FLI1: variants seen among roughly 807,000 people sequenced by gnomAD.
The protein encoded by FLI1 is Fli-1 proto-oncogene, ETS transcription factor, also known as Friend leukemia integration 1 transcription factor.
A neutral mutation model predicts 53.1 loss-of-function variants in FLI1; 13 were observed. The observed-to-expected ratio is 0.24, with a 90% confidence interval of 0.16 to 0.39. The LOEUF is 0.39. Among genes scored for constraint, FLI1 ranks in the 10% least tolerant of loss-of-function variants. FLI1 has a pLI of 1.00. For missense variants in FLI1, 424 were observed against 600.5 expected, an observed-to-expected ratio of 0.71 and a Z score of 3.07; for synonymous variants, 244 against 236.7, an observed-to-expected ratio of 1.03 and a Z score of -0.28.
intron 1 of FLI1, among the ~76,000 whole-genome samples, chr11:128,714,057 G>A (rs1222142319): frequency 1.3e-5 from 2 of 152,108 alleles, no homozygotes; most frequent in African/African-American, 4.8e-5. Context: ...AGTGCATAGA[G>A]TACATATCTA....
At chr11:128,767,330 C>T (rs970577522) in intron 2 of FLI1, among the ~76,000 whole-genome samples, 6 of 152,202 alleles carry the variant, frequency 3.9e-5, no homozygotes, top group African/African-American at 1.4e-4. Flanking sequence ...AGTTCCTGGA[C>T]TCCATTCCTT....
rs74876538 is a variant in FLI1 at position 128,719,487 on chromosome 11, T to C, written c.18+25211T>C. ...CTCTGATAGATGTGACATTGTGAAG[T>C]TGCTGAAATCCACCTAATTAGCTGT... is the stretch of plus-strand genomic sequence containing the variant. On this transcript the variant is annotated intron_variant, in intron 1 of 8. Coordinates refer to ENST00000527786, the MANE Select transcript of FLI1 (RefSeq NM_002017.5). 6.6e-3 allele frequency among the ~76,000 whole-genome samples: 1,006 copies of C among 152,032 alleles called. 9 individuals are homozygous for C. Among genetic ancestry groups the C allele is most frequent in the African/African-American group, 0.023 (939 of 41,468 alleles).
rs1159067517 is a variant in FLI1, at chr11:128,810,423, T to C, written c.830-36T>C. ...GGGTTCTGCCTTCTCTGGGCTGAGG[T>C]GTTCTGTTCTCTCCCGTTTGCCTCA... On this transcript the variant is annotated intron_variant, in intron 8 of 8. Coordinates refer to ENST00000527786, the MANE Select transcript of FLI1 (RefSeq NM_002017.5). This position sits in a 1 kb window ranked among gnomAD's most constrained non-coding sequence, Gnocchi z 6.6. The C allele has an allele frequency of 1.9e-6, 3 of 1,552,842 alleles. No homozygotes were observed. The highest frequency in any genetic ancestry group is 1.7e-4 in the Middle Eastern group (1 of 5,942).
chr11:128,787,943 A>G (rs1027809174), intron 5 of FLI1, among the ~76,000 whole-genome samples: 2 of 151,148 alleles, frequency 1.3e-5, no homozygotes, highest in African/African-American at 4.9e-5. Flanking sequence ...AGTAGCTGGG[A>G]CTACAGGTGC....
At chr11:128,809,025 T>C in intron 7 of FLI1, 132 bp from the exon 8 acceptor site, 2 of 635,386 alleles carry the variant, frequency 3.1e-6, no homozygotes, top group Non-Finnish European at 5.4e-6. Flanking sequence ...ATAAAAGCAG[T>C]AAAGTTTTCT....
rs117173691 is a variant in FLI1, at chr11:128,743,501, A to G, written c.19-14614A>G. 1.3e-3 allele frequency among the ~76,000 whole-genome samples: 195 copies of G among 152,254 alleles called. 1 individual carries two copies. In the East Asian group the frequency reaches 0.026, roughly 20 times the overall value. On this transcript the variant is annotated intron_variant, in intron 1 of 8. Transcript: ENST00000527786. ...ACTGAACGGGACAAAGGAGCTCAGA[A>G]ATTTTTGAGGCGGTTTGGGACATCT...
At chr11:128,763,544 G>C (rs1355334272) in intron 2 of FLI1, among the ~76,000 whole-genome samples, 1 of 152,224 alleles carries the variant, frequency 6.6e-6, no homozygotes, top group Non-Finnish European at 1.5e-5. Flanking sequence ...CTGGTATTCA[G>C]GACCAGAGTT....
At chr11:128,764,728 C>T (rs772184518) in intron 2 of FLI1, 219 of 1,568,668 alleles carry the variant, frequency 1.4e-4, no homozygotes, top group Non-Finnish European at 1.8e-4. Context: ...GCCGTGGAGC[C>T]CCATGGCCGC....
intron 1 of FLI1, among the ~76,000 whole-genome samples, chr11:128,724,969 A>C (rs1242959379): frequency 6.6e-6 from 1 of 152,172 alleles, no homozygotes; most frequent in Non-Finnish European, 1.5e-5. Context: ...CATAAAAGCC[A>C]CCCAGAATGG....
chr11:128,771,082 A>G (rs1941536151), intron 3 of FLI1, among the ~76,000 whole-genome samples: 1 of 152,258 alleles, frequency 6.6e-6, no homozygotes, highest in Non-Finnish European at 1.5e-5. Flanking sequence ...GGCTTTGGGC[A>G]AAGGACTTAA....
chr11:128,755,663 G>C (rs1940829527), intron 1 of FLI1, among the ~76,000 whole-genome samples: 1 of 152,220 alleles, frequency 6.6e-6, no homozygotes, highest in African/African-American at 2.4e-5. Flanking sequence ...AGAAACAAAT[G>C]GTTCTGACAA....
At chr11:128,746,357 G>A (rs1239756108) in intron 1 of FLI1, among the ~76,000 whole-genome samples, 2 of 151,568 alleles carry the variant, frequency 1.3e-5, no homozygotes, top group Non-Finnish European at 2.9e-5. Context: ...ACAACCAAGG[G>A]CACATGCCAT....
intron 5 of FLI1, among the ~76,000 whole-genome samples, chr11:128,797,574 T>C (rs181281612): frequency 2.1e-3 from 319 of 152,356 alleles, no homozygotes; most frequent in African/African-American, 7.4e-3. Context: ...CCTTCTAATA[T>C]ACAATGTAAT....
Position 128,810,413 on chromosome 11 carries a change from T to C in FLI1, c.830-46T>C, listed in dbSNP as rs769617246. 44 of 1,529,304 alleles carry C rather than the reference T, an allele frequency of 2.9e-5. No individual in the cohort carries two copies. The highest frequency in any genetic ancestry group is 2.6e-5 in the Non-Finnish European group (30 of 1,140,458). The allele number at this position is 1,529,304 out of a possible 1,614,324, so 94.7% of individuals were successfully genotyped here. ...TTAGGGAACTGGGTTCTGCCTTCTC[T>C]GGGCTGAGGTGTTCTGTTCTCTCCC... On this transcript the variant is annotated intron_variant, in intron 8 of 8. Transcript: ENST00000527786. The surrounding 1 kb of genome is among the most constrained non-coding windows in gnomAD (Gnocchi z 6.6).
Position 128,812,056 on chromosome 11 carries a change from T to C in FLI1, c.*1068T>C, listed in dbSNP as rs2135927896. 4.8e-6 allele frequency: 1 copy of C among 206,400 alleles called. No homozygotes were observed. The highest frequency in any genetic ancestry group is 2.3e-5 in the African/African-American group (1 of 43,958). 12.8% of individuals were successfully genotyped at this position (206,400 alleles called of 1,614,324 possible). A position where few individuals can be genotyped will look rare whatever the true frequency, so the allele number is the denominator to read the frequency against. On this transcript the variant is annotated 3_prime_UTR_variant, in exon 9 of 9. Transcript: ENST00000527786. Reference sequence around the variant, plus strand: ...GTTTTTAAAAAGCATAATATGCCTATAGCTGAAAAGGAAACAGGGCTGTTT... The same window carrying C: ...GTTTTTAAAAAGCATAATATGCCTACAGCTGAAAAGGAAACAGGGCTGTTT...
chr11:128,702,879 AC>A (rs1256574455), intron 1 of FLI1, among the ~76,000 whole-genome samples: 2 of 151,668 alleles, frequency 1.3e-5, no homozygotes, highest in East Asian at 1.9e-4. Context: ...AAAAAAAAAA[AC>A]ATGGAGAAAA....
rs11602106 is a variant in FLI1 at position 128,716,925 on chromosome 11, C to T, written c.18+22649C>T. Among the ~76,000 whole-genome samples the T allele has an allele frequency of 8.6e-3, 1,309 of 152,288 alleles. 5 individuals are homozygous for T. Among genetic ancestry groups the T allele is most frequent in the Non-Finnish European group, 0.013 (868 of 68,018 alleles). On this transcript the variant is annotated intron_variant, in intron 1 of 8. Transcript: ENST00000527786. ...GAGGAGGAAGAAGGCAGGGCATGCT[C>T]GTCACTGTGGGCATGGGCACATTGC...
chr11:128,768,011 A>G, intron 2 of FLI1, 107 bp from the exon 3 acceptor site: 1 of 971,708 alleles, frequency 1.0e-6, no homozygotes, highest in Non-Finnish European at 1.5e-6. Context: ...GTGGCCGGGC[A>G]ATGGCTCCAT....
chr11:128,778,746 G>C (rs941503537), intron 4 of FLI1, among the ~76,000 whole-genome samples: 4 of 152,238 alleles, frequency 2.6e-5, no homozygotes, highest in Non-Finnish European at 4.4e-5. Context: ...TCGGGAAGGT[G>C]GGGGAGCTCA....
Sources: gnomAD v4.1 joint callset for allele counts (sites outside exome capture counted in the v4.1 genomes callset) on GRCh38, gnomAD v4.1.1 for gene constraint, Gnocchi (gnomAD v3.1) non-coding constraint, MANE v1.5 for transcripts, NCBI Gene and HGNC (gene_info 2026-07-23, HGNC 2026-07-21) for gene names.